The following XKR6 variants were observed in gnomAD, a reference collection of about 807,000 sequenced individuals.
XKR6 encodes XK-related protein 6.
In XKR6, 22 loss-of-function variants were observed where a neutral mutation model predicts 56.7. The ratio of observed to expected loss-of-function variants is 0.39; its 90% CI spans 0.28 to 0.55. The LOEUF is 0.55. XKR6 is among the 20% of genes least tolerant of loss of function. The probability of loss-of-function intolerance (pLI) is 0.66; values close to 1 mark genes in which losing one functional copy is unlikely to be tolerated. For synonymous variants in XKR6, 524 were observed against 387.8 expected (o/e 1.35, Z -4.13); for missense variants, 852 against 889.0 (o/e 0.96, Z 0.53).
At chr8:11,168,105 C>A (rs1028852259) in intron 1 of XKR6, among the ~76,000 whole-genome samples, 3 of 152,016 alleles carry the variant, frequency 2.0e-5, no homozygotes, top group African/African-American at 7.2e-5. Context: ...TCCAGAGACA[C>A]AACACTGTAA....
chr8:10,900,803 G>A (rs1800013602), intron 2 of XKR6, among the ~76,000 whole-genome samples: 1 of 150,750 alleles, frequency 6.6e-6, no homozygotes, highest in African/African-American at 2.4e-5. Context: ...ACTCCCCTTA[G>A]GAGTAATGTG....
At chr8:11,011,842 CA>C in intron 1 of XKR6, among the ~76,000 whole-genome samples, 1 of 152,296 alleles carries the variant, frequency 6.6e-6, no homozygotes, top group East Asian at 1.9e-4. Context: ...GGGTCCACTG[CA>C]GGGCAGCACA....
chr8:11,043,554 G>C (rs371265341), intron 1 of XKR6, among the ~76,000 whole-genome samples: 1 of 152,236 alleles, frequency 6.6e-6, no homozygotes, highest in East Asian at 1.9e-4. Context: ...AGCCCCTGGA[G>C]GGCAGGCACT....
rs537001151 is a variant in XKR6 at position 10,971,986 on chromosome 8, C to G, written c.765-47156G>C. Reference sequence around the variant, plus strand: ...TCATCTCCTTGCCACAGCTCTTTCCCTCCACCTCCGATCAATCCCACTGGA... The same window carrying G: ...TCATCTCCTTGCCACAGCTCTTTCCGTCCACCTCCGATCAATCCCACTGGA... On this transcript the variant is annotated intron_variant, in intron 1 of 2. Coordinates refer to ENST00000416569, the MANE Select transcript of XKR6 (RefSeq NM_173683.4). Among the ~76,000 whole-genome samples, 4 of 152,332 alleles carry G rather than the reference C, an allele frequency of 2.6e-5. No individual in the cohort carries two copies. In the South Asian group the frequency reaches 8.3e-4, roughly 32 times the overall value.
At chr8:11,151,807 C>G (rs17725480) in intron 1 of XKR6, among the ~76,000 whole-genome samples, 4 of 151,868 alleles carry the variant, frequency 2.6e-5, no homozygotes, top group South Asian at 2.1e-4. Context: ...TCAGCTTTTA[C>G]GTGTTCCCAG....
intron 1 of XKR6, among the ~76,000 whole-genome samples, chr8:11,034,440 G>C (rs984992027): frequency 6.6e-6 from 1 of 152,202 alleles, no homozygotes; most frequent in African/African-American, 2.4e-5. Flanking sequence ...CATGTGTCTA[G>C]AGCTCCAGGT....
At chr8:11,101,325 A>G (rs540168528) in intron 1 of XKR6, among the ~76,000 whole-genome samples, 2 of 152,336 alleles carry the variant, frequency 1.3e-5, no homozygotes, top group African/African-American at 4.8e-5. Flanking sequence ...ATTCATGCAG[A>G]GCGGCCTTGA....
At chr8:10,963,529 C>T (rs1353284186) in intron 1 of XKR6, among the ~76,000 whole-genome samples, 1 of 143,304 alleles carries the variant, frequency 7.0e-6, no homozygotes. Context: ...CAGGGCCTGA[C>T]ACAAAGAAGA....
intron 1 of XKR6, among the ~76,000 whole-genome samples, chr8:11,130,355 T>C (rs1033204967): frequency 6.6e-6 from 1 of 152,002 alleles, no homozygotes; most frequent in Non-Finnish European, 1.5e-5. Context: ...CACAAGTGTT[T>C]TATCGCCATA....
rs1264214421 is a variant in XKR6 at position 11,025,196 on chromosome 8, C to T, written c.765-100366G>A. Among the ~76,000 whole-genome samples, 3 of 152,240 alleles carry T rather than the reference C, an allele frequency of 2.0e-5. No homozygotes were observed. The East Asian group carries it at 5.8e-4, about 29-fold the overall frequency. ...TTCTGTTCCTGCCTCTTCTCCCAAA[C>T]ACACACCCATCCACAGGAACCCTGT... On this transcript the variant is annotated intron_variant, in intron 1 of 2. Transcript: ENST00000416569.
chr8:11,077,939 C>T (rs541255502), intron 1 of XKR6, among the ~76,000 whole-genome samples: 2 of 152,230 alleles, frequency 1.3e-5, no homozygotes, highest in East Asian at 1.9e-4. Context: ...CTGCACTGGC[C>T]GCCGGGCTGG....
chr8:11,033,967 G>T (rs749652115), intron 1 of XKR6, among the ~76,000 whole-genome samples: 1 of 152,206 alleles, frequency 6.6e-6, no homozygotes, highest in East Asian at 1.9e-4. Flanking sequence ...GCAGAGCCAG[G>T]ACTATAACCA....
At chr8:11,098,147 C>G (rs1393154160) in intron 1 of XKR6, among the ~76,000 whole-genome samples, 1 of 152,124 alleles carries the variant, frequency 6.6e-6, no homozygotes, top group Middle Eastern at 3.2e-3. Context: ...GGCAGAATCC[C>G]ACGACCCACT....
intron 1 of XKR6, among the ~76,000 whole-genome samples, chr8:11,003,743 C>G (rs1442065703): frequency 6.6e-6 from 1 of 152,210 alleles, no homozygotes; most frequent in Non-Finnish European, 1.5e-5. Context: ...TTCTGTCATT[C>G]CAAGCTGTCT....
At chr8:10,971,979 T>A (rs1260873645) in intron 1 of XKR6, among the ~76,000 whole-genome samples, 1 of 152,226 alleles carries the variant, frequency 6.6e-6, no homozygotes, top group Admixed American at 6.5e-5. Context: ...TTGCCACAGC[T>A]CTTTCCCTCC....
At chr8:11,123,170 G>C (rs1586577243) in intron 1 of XKR6, among the ~76,000 whole-genome samples, 2 of 151,422 alleles carry the variant, frequency 1.3e-5, no homozygotes, top group East Asian at 3.9e-4. Flanking sequence ...CTGGGAGGTG[G>C]AGGTCGCAGT....
At chr8:11,196,826 C>T (rs1450744001) in intron 1 of XKR6, among the ~76,000 whole-genome samples, 1 of 152,226 alleles carries the variant, frequency 6.6e-6, no homozygotes, top group Non-Finnish European at 1.5e-5. Flanking sequence ...TCAGCCAGAA[C>T]TAAGAACCAC....
At chr8:11,152,615 C>A (rs1309769431) in intron 1 of XKR6, among the ~76,000 whole-genome samples, 1 of 152,182 alleles carries the variant, frequency 6.6e-6, no homozygotes, top group Non-Finnish European at 1.5e-5. Flanking sequence ...AACAAAGATT[C>A]TCATTCTAAT....
chr8:10,972,060 CTGT>C (rs1245237444), intron 1 of XKR6, among the ~76,000 whole-genome samples: 1 of 152,170 alleles, frequency 6.6e-6, no homozygotes, highest in Admixed American at 6.5e-5. Context: ...TATCTCGGAC[CTGT>C]TGTTAAATAT....
Sources: gnomAD v4.1 joint callset for allele counts (sites outside exome capture counted in the v4.1 genomes callset) on GRCh38, gnomAD v4.1.1 for gene constraint, MANE v1.5 for transcripts, NCBI Gene and HGNC (gene_info 2026-07-23, HGNC 2026-07-21) for gene names.